The following CCDC7 variants were observed in gnomAD, a reference collection of about 807,000 sequenced individuals.
CCDC7 encodes the protein coiled-coil domain containing 7.
A neutral mutation model predicts 196.9 loss-of-function variants in CCDC7; 183 were observed. The observed-to-expected ratio is 0.93, with a 90% CI of 0.82 to 1.05. The LOEUF is 1.05. CCDC7 is among the 50% of genes least tolerant of loss of function. The pLI is 0.00. For missense variants in CCDC7, 1,540 were observed against 1,482.2 expected (o/e 1.04, Z -0.64); for synonymous variants, 525 against 484.6 (o/e 1.08, Z -1.10).
intron 33 of CCDC7, among the ~76,000 whole-genome samples, chr10:32,844,252 C>T (rs1326425862): frequency 6.6e-6 from 1 of 151,856 alleles, no homozygotes; most frequent in Non-Finnish European, 1.5e-5. Flanking sequence ...CATAAAAACT[C>T]CAGTGGAAAG....
chr10:32,764,956 T>A (rs887078079), intron 28 of CCDC7, among the ~76,000 whole-genome samples: 4 of 152,042 alleles, frequency 2.6e-5, no homozygotes, highest in African/African-American at 9.7e-5. Context: ...ATTGGCTAGT[T>A]GATAATTGTG....
chr10:32,588,388 C>G (rs1322335614), intron 18 of CCDC7, among the ~76,000 whole-genome samples: 1 of 5,160 alleles, frequency 1.9e-4, no homozygotes, highest in East Asian at 0.083. Context: ...TTGTCACATG[C>G]ATTTTTTTTG....
At chr10:32,636,404 T>C (rs556645177) in intron 20 of CCDC7, among the ~76,000 whole-genome samples, 2 of 151,940 alleles carry the variant, frequency 1.3e-5, no homozygotes, top group African/African-American at 4.8e-5. Flanking sequence ...ACAGTCTCCA[T>C]TGTGTGATGT....
chr10:32,748,249 A>G (rs1171452067), intron 28 of CCDC7, among the ~76,000 whole-genome samples: 2 of 152,284 alleles, frequency 1.3e-5, no homozygotes, highest in African/African-American at 2.4e-5. Flanking sequence ...TCAAAAAACT[A>G]TCAGGTAATA....
chr10:32,736,244 T>G (rs1050500895), intron 28 of CCDC7, among the ~76,000 whole-genome samples: 2 of 152,198 alleles, frequency 1.3e-5, no homozygotes, highest in African/African-American at 2.4e-5. Context: ...TGAACTGAGT[T>G]GAAAAGAACT....
At chr10:32,839,543 A>C (rs559681932) in intron 33 of CCDC7, among the ~76,000 whole-genome samples, 13 of 151,890 alleles carry the variant, frequency 8.6e-5, no homozygotes, top group Admixed American at 4.0e-4. Flanking sequence ...ATGAGATGAC[A>C]CAATAATAGT....
intron 3 of CCDC7, among the ~76,000 whole-genome samples, chr10:32,461,703 GTGTGTGTATATATATATATATATA>G (rs1212427073): frequency 2.4e-5 from 1 of 42,444 alleles, no homozygotes; most frequent in South Asian, 7.1e-4. Context: ...GTGTGTGTGT[GTGTGTGTATATATATATATATATA>G]TATGTATATA....
At chr10:32,458,063 T>G (rs2034751218) in intron 3 of CCDC7, among the ~76,000 whole-genome samples, 2 of 152,220 alleles carry the variant, frequency 1.3e-5, no homozygotes. Context: ...TTGCTTGTGT[T>G]GCCTATGCTT....
intron 28 of CCDC7, among the ~76,000 whole-genome samples, chr10:32,737,074 G>A: frequency 6.6e-6 from 1 of 152,016 alleles, no homozygotes; most frequent in East Asian, 1.9e-4. Context: ...TCATAAATGG[G>A]CTTTAGATTT....
chr10:32,622,229 A>G (rs2063496171), intron 18 of CCDC7, among the ~76,000 whole-genome samples: 1 of 152,172 alleles, frequency 6.6e-6, no homozygotes, highest in African/African-American at 2.4e-5. Context: ...TTTTTCTAAC[A>G]TTGGACCCAT....
At chr10:32,506,308 A>C (rs2045085910) in intron 9 of CCDC7, among the ~76,000 whole-genome samples, 2 of 149,888 alleles carry the variant, frequency 1.3e-5, no homozygotes, top group South Asian at 4.3e-4. Flanking sequence ...GCGGCCAGGC[A>C]GAGACGCTCC....
chr10:32,591,044 T>C (rs2059732869), intron 18 of CCDC7, among the ~76,000 whole-genome samples: 1 of 152,140 alleles, frequency 6.6e-6, no homozygotes, highest in South Asian at 2.1e-4. Flanking sequence ...AGTTCTCTGT[T>C]ACTATCTCTT....
At chr10:32,552,669 C>T (rs1286054003) in intron 13 of CCDC7, among the ~76,000 whole-genome samples, 1 of 152,164 alleles carries the variant, frequency 6.6e-6, no homozygotes, top group Non-Finnish European at 1.5e-5. Context: ...ATCTCTCCTT[C>T]ATATATAATG....
chr10:32,499,280 TG>T (rs2043467081), intron 9 of CCDC7: 1 of 152,192 alleles, frequency 6.6e-6, no homozygotes, highest in Non-Finnish European at 1.5e-5. Context: ...CATAGGGAAT[TG>T]GGAACTTTTA....
chr10:32,867,106 A>C (rs541788380), intron 41 of CCDC7, among the ~76,000 whole-genome samples: 2 of 151,802 alleles, frequency 1.3e-5, no homozygotes, highest in South Asian at 4.1e-4. Context: ...GACTAAAAAA[A>C]CCCACAAATT....
intron 28 of CCDC7, among the ~76,000 whole-genome samples, chr10:32,753,554 G>T (rs2075975355): frequency 6.6e-6 from 1 of 152,088 alleles, no homozygotes; most frequent in Admixed American, 6.5e-5. Context: ...TTCAAACCCG[G>T]ATAATCTAGC....
Position 32,502,790 on chromosome 10 carries a change from G to A in CCDC7, c.872+10793G>A, listed in dbSNP as rs994701843. ...ATATTGTTTCAACTCATGAATATGG[G>A]ATGTATTTTCAATTCTTTGTGTGTT... On this transcript the variant is annotated intron_variant, in intron 9 of 41. Coordinates refer to ENST00000639629, the Ensembl canonical transcript of CCDC7. Among the ~76,000 whole-genome samples, 96 of 152,230 alleles carry A rather than the reference G, an allele frequency of 6.3e-4. 1 individual carries two copies. Among genetic ancestry groups the A allele is most frequent in the Admixed American group, 4.6e-3 (70 of 15,280 alleles).
At chr10:32,728,854 C>T (rs10827116) in intron 26 of CCDC7, 33 bp from the exon 28 acceptor site, 127,337 of 1,207,198 alleles carry the variant, frequency 0.11, 8,068 homozygotes, top group East Asian at 0.31. Context: ...TTTATGTTTC[C>T]ATTTGATGGA....
At chr10:32,535,728 G>C (rs1564578952) in intron 11 of CCDC7, among the ~76,000 whole-genome samples, 1 of 152,182 alleles carries the variant, frequency 6.6e-6, no homozygotes, top group African/African-American at 2.4e-5. Flanking sequence ...AGAGGTGCTG[G>C]ACTCTCAGCT....
Sources: allele counts gnomAD v4.1 joint callset (sites outside exome capture counted in the v4.1 genomes callset), GRCh38; gene constraint gnomAD v4.1.1; transcripts MANE v1.5; gene names NCBI Gene and HGNC (gene_info 2026-07-23, HGNC 2026-07-21).